PCDH15: variants seen among roughly 807,000 people sequenced by gnomAD.
PCDH15 encodes protocadherin-15.
Under a neutral mutation model 178.5 loss-of-function variants are expected in PCDH15, and 129 were observed. The ratio of observed to expected loss-of-function variants is 0.72; its 90% confidence interval spans 0.63 to 0.84. The LOEUF is 0.84. PCDH15 is among the 40% of genes least tolerant of loss of function. PCDH15 has a pLI of 0.00. For synonymous variants in PCDH15, 800 were observed against 732.0 expected (o/e 1.09, Z -1.50); for missense variants, 2,230 against 2,099.9 (o/e 1.06, Z -1.21).
intron 3 of PCDH15, among the ~76,000 whole-genome samples, chr10:54,441,310 C>A (rs754072169): frequency 6.6e-6 from 1 of 151,866 alleles, no homozygotes; most frequent in Non-Finnish European, 1.5e-5. Context: ...AGCAAATTTA[C>A]CTAAATCATG....
At chr10:54,563,722 A>C (rs1000526833) in intron 2 of PCDH15, among the ~76,000 whole-genome samples, 1 of 152,086 alleles carries the variant, frequency 6.6e-6, no homozygotes, top group Non-Finnish European at 1.5e-5. Context: ...CTCCAGCTTG[A>C]GGTTTGATAA....
At chr10:55,550,494 C>G (rs927218922) in intron 2 of PCDH15, among the ~76,000 whole-genome samples, 1 of 151,988 alleles carries the variant, frequency 6.6e-6, no homozygotes, top group South Asian at 2.1e-4. Context: ...GCAAGCATGC[C>G]CTTGAGCACG....
rs1308495572 is a variant in PCDH15 at position 54,527,805 on chromosome 10, CACTT to C, written c.157+3_157+6del. On this transcript the variant is annotated splice_donor_5th_base_variant and intron_variant, in intron 3 of 37. Transcript: ENST00000644397. ...TAAGACATTTGTAAAATAAAAAACT[CACTT>C]ACCATTCCGACTTTCTTCATCAATA... The C allele has an allele frequency of 6.2e-7, 1 of 1,600,338 alleles. No homozygotes were observed. Among genetic ancestry groups the C allele is most frequent in the South Asian group, 1.1e-5 (1 of 89,900 alleles).
At chr10:55,582,628 A>ATATATATTTTTTT (rs780312007) in intron 2 of PCDH15, among the ~76,000 whole-genome samples, 2 of 69,032 alleles carry the variant, frequency 2.9e-5, no homozygotes, top group African/African-American at 1.3e-4. Context: ...ATATATATAT[A>ATATATATTTTTTT]TTTTTTTTTT....
intron 2 of PCDH15, among the ~76,000 whole-genome samples, chr10:54,650,100 AC>A (rs2094220998): frequency 1.3e-5 from 2 of 152,196 alleles, no homozygotes; most frequent in Admixed American, 1.3e-4. Context: ...GGAAAGATGG[AC>A]ATTAATTTTG....
chr10:54,278,933 C>T (rs915680549), intron 8 of PCDH15, among the ~76,000 whole-genome samples: 19 of 151,590 alleles, frequency 1.3e-4, no homozygotes, highest in African/African-American at 3.4e-4. Context: ...TAGTTTTCTG[C>T]ACTTACTTGT....
At chr10:55,544,517 G>T (rs1841836646) in intron 2 of PCDH15, among the ~76,000 whole-genome samples, 1 of 151,912 alleles carries the variant, frequency 6.6e-6, no homozygotes, top group Non-Finnish European at 1.5e-5. Flanking sequence ...ATCATTACTT[G>T]TTTTATCTTC....
chr10:54,813,270 G>A (rs1952894917), intron 3 of PCDH15, among the ~76,000 whole-genome samples: 1 of 152,088 alleles, frequency 6.6e-6, no homozygotes. Context: ...TCAGATAACT[G>A]AGGTTTCCCA....
intron 4 of PCDH15, 58 bp downstream of exon 4, chr10:54,378,722 CAT>C: frequency 2.0e-6 from 3 of 1,534,286 alleles, no homozygotes; most frequent in Non-Finnish European, 2.7e-6. Context: ...TAAACACACA[CAT>C]AGACATTTAA....
chr10:55,407,207 G>A (rs1000060175), intron 2 of PCDH15, among the ~76,000 whole-genome samples: 6 of 152,124 alleles, frequency 3.9e-5, no homozygotes, highest in Non-Finnish European at 7.4e-5. Flanking sequence ...AAGATTGGTC[G>A]AGGGAATACC....
chr10:54,896,331 A>G (rs1028038199), intron 3 of PCDH15, among the ~76,000 whole-genome samples: 2 of 152,208 alleles, frequency 1.3e-5, no homozygotes, highest in Non-Finnish European at 2.9e-5. Context: ...GCCTCCTTCA[A>G]AAACTAGAGT....
chr10:53,960,092 G>A (rs1293291561), intron 22 of PCDH15, among the ~76,000 whole-genome samples: 1 of 152,004 alleles, frequency 6.6e-6, no homozygotes, highest in Non-Finnish European at 1.5e-5. Context: ...ACTCAAAGAA[G>A]TAACTAACTC....
rs781041676 is a variant in PCDH15 at position 54,317,467 on chromosome 10, G to T, written c.706-26C>A. On this transcript the variant is annotated intron_variant, in intron 7 of 37. Transcript: ENST00000644397. ...CTGTTAGGGAGAAAAACAAACAACAGGTAGTTTATAGAAATTAGGCACAAT... is the reference window on the plus strand; with the variant it reads ...CTGTTAGGGAGAAAAACAAACAACATGTAGTTTATAGAAATTAGGCACAAT... 2.5e-6 allele frequency: 4 copies of T among 1,612,676 alleles called. No individual in the cohort carries two copies. In the Admixed American group the frequency reaches 6.7e-5, roughly 27 times the overall value.
At chr10:53,937,918 G>T (rs1022756933) in intron 25 of PCDH15, among the ~76,000 whole-genome samples, 3 of 152,042 alleles carry the variant, frequency 2.0e-5, no homozygotes, top group Non-Finnish European at 4.4e-5. Flanking sequence ...GAATGTTTCA[G>T]ATCCTGTTTC....
intron 1 of PCDH15, among the ~76,000 whole-genome samples, chr10:55,180,098 A>G (rs1318228060): frequency 2.0e-5 from 3 of 152,078 alleles, no homozygotes; most frequent in Non-Finnish European, 2.9e-5. Context: ...GATTCAGGGA[A>G]GGAACTGGTC....
intron 1 of PCDH15, among the ~76,000 whole-genome samples, chr10:54,767,001 C>T (rs1358459646): frequency 1.3e-5 from 2 of 151,810 alleles, no homozygotes; most frequent in African/African-American, 2.4e-5. Flanking sequence ...CCACTGAATA[C>T]ACAATCATAT....
intron 6 of PCDH15, among the ~76,000 whole-genome samples, chr10:54,331,523 T>C (rs1413796096): frequency 2.6e-5 from 4 of 152,006 alleles, no homozygotes; most frequent in Non-Finnish European, 4.4e-5. Flanking sequence ...ACTTTGCTTA[T>C]ACCTATGAGT....
At position 55,070,105 on chromosome 10, in the gene PCDH15, G is replaced by A. The variant is rs866052487; in HGVS notation, c.-80+96471C>T. On this transcript the variant is annotated intron_variant, in intron 2 of 5. Coordinates refer to the PCDH15 transcript ENST00000458638. ...TGAGAAGTGTCTGTTCATGTCCTTC[G>A]CCCACTTTTTGATGGGGTTGTTTGT... Among the ~76,000 whole-genome samples the A allele has an allele frequency of 8.5e-3, 1,280 of 150,050 alleles. 15 individuals carry two copies. The highest frequency in any genetic ancestry group is 0.03 in the African/African-American group (1,209 of 40,932).
intron 2 of PCDH15, among the ~76,000 whole-genome samples, chr10:55,541,979 G>T (rs957836386): frequency 6.6e-6 from 1 of 151,588 alleles, no homozygotes; most frequent in Non-Finnish European, 1.5e-5. Context: ...TGAGTCAGAA[G>T]AATACAATAT....
Sources: allele counts gnomAD v4.1 joint callset (sites outside exome capture counted in the v4.1 genomes callset), GRCh38; gene constraint gnomAD v4.1.1; transcripts MANE v1.5; gene names NCBI Gene and HGNC (gene_info 2026-07-23, HGNC 2026-07-21).